Variants in PRDM5 observed in about 807,000 individuals in gnomAD.
The protein encoded by PRDM5 is PR domain zinc finger protein 5.
Under a neutral mutation model 81.2 loss-of-function variants are expected in PRDM5, and 56 were observed. That is an observed-to-expected ratio of 0.69 (90% CI 0.56 to 0.86). PRDM5 has a LOEUF of 0.86. Among genes scored for constraint, PRDM5 ranks in the 40% least tolerant of loss-of-function variants. PRDM5 has a pLI of 0.00. For synonymous variants in PRDM5, 267 were observed against 256.4 expected (o/e 1.04, Z -0.39); for missense variants, 697 against 770.1 (o/e 0.91, Z 1.12).
chr4:120,790,336 A>C (rs759887497), intron 10 of PRDM5, among the ~76,000 whole-genome samples: 3 of 152,196 alleles, frequency 2.0e-5, no homozygotes, highest in Non-Finnish European at 4.4e-5. Flanking sequence ...CACAGAAATA[A>C]CCAGATAACA....
At chr4:120,840,339 T>C (rs914960869) in intron 3 of PRDM5, among the ~76,000 whole-genome samples, 1 of 152,136 alleles carries the variant, frequency 6.6e-6, no homozygotes, top group Non-Finnish European at 1.5e-5. Context: ...GAGGGGCTCC[T>C]CTGGGAGTGG....
intron 10 of PRDM5, among the ~76,000 whole-genome samples, 167 bp downstream of exon 10, chr4:120,798,099 GA>G (rs1751580900): frequency 6.6e-6 from 1 of 152,148 alleles, no homozygotes; most frequent in South Asian, 2.1e-4. Flanking sequence ...AAAGAGAATG[GA>G]AGACAGGAAG....
downstream of PRDM5, among the ~76,000 whole-genome samples, chr4:120,689,608 T>A (rs892284972): frequency 6.6e-6 from 1 of 151,940 alleles, no homozygotes; most frequent in Non-Finnish European, 1.5e-5. Flanking sequence ...TTCTTTTTTT[T>A]TTTTTTCTTT....
rs1734352279 is a variant in PRDM5 at position 120,695,000 on chromosome 4, A to G, written c.*111T>C. On this transcript the variant is annotated 3_prime_UTR_variant, in exon 16 of 16. Coordinates refer to ENST00000264808, the MANE Select transcript of PRDM5 (RefSeq NM_018699.4). Reference sequence around the variant, plus strand: ...CTCTAAATGTAGGCAAATAAGAACTATGAGACCAGTAAGTCACTTTTGGCT... The same window carrying G: ...CTCTAAATGTAGGCAAATAAGAACTGTGAGACCAGTAAGTCACTTTTGGCT... The G allele has an allele frequency of 5.5e-6, 7 of 1,273,348 alleles. No individual in the cohort carries two copies. In the Admixed American group the frequency reaches 8.5e-5, roughly 15 times the overall value. 78.9% of individuals were successfully genotyped at this position (1,273,348 alleles called of 1,614,324 possible).
intron 14 of PRDM5, among the ~76,000 whole-genome samples, chr4:120,716,265 C>T (rs1288152914): frequency 6.6e-6 from 1 of 152,110 alleles, no homozygotes; most frequent in East Asian, 1.9e-4. Flanking sequence ...CAATATACTA[C>T]AAGTACAACA....
intron 14 of PRDM5, among the ~76,000 whole-genome samples, chr4:120,749,400 G>C (rs908943995): frequency 2.6e-5 from 4 of 152,120 alleles, no homozygotes; most frequent in African/African-American, 9.7e-5. Flanking sequence ...GCTCCATCAG[G>C]GTTCGTAAGA....
chr4:120,697,237 A>C (rs182760115), intron 15 of PRDM5, among the ~76,000 whole-genome samples: 18 of 152,166 alleles, frequency 1.2e-4, no homozygotes, highest in Non-Finnish European at 2.5e-4. Context: ...AATGTGCATG[A>C]AAGTGTACAA....
intron 2 of PRDM5, among the ~76,000 whole-genome samples, chr4:120,856,050 G>T (rs1158078720): frequency 6.6e-6 from 1 of 152,134 alleles, no homozygotes; most frequent in Non-Finnish European, 1.5e-5. Flanking sequence ...TTTACCAGGG[G>T]CATTGTTTGT....
At chr4:120,696,157 A>T (rs192279716) in intron 15 of PRDM5, among the ~76,000 whole-genome samples, 2 of 152,250 alleles carry the variant, frequency 1.3e-5, no homozygotes, top group Non-Finnish European at 2.9e-5. Context: ...TAATTGGGTA[A>T]GAAGGGGGTA....
At chr4:120,747,640 C>T (rs1204076707) in intron 14 of PRDM5, among the ~76,000 whole-genome samples, 2 of 152,106 alleles carry the variant, frequency 1.3e-5, no homozygotes, top group Non-Finnish European at 2.9e-5. Context: ...AGGCACAGGT[C>T]TGTTAAACCC....
At chr4:120,794,592 T>C (rs1243445828) in intron 10 of PRDM5, among the ~76,000 whole-genome samples, 2 of 151,086 alleles carry the variant, frequency 1.3e-5, no homozygotes, top group Non-Finnish European at 3.0e-5. Context: ...TATTATCTTA[T>C]TGAATGACCC....
chr4:120,695,843 CA>C (rs997185250), intron 15 of PRDM5, among the ~76,000 whole-genome samples: 8 of 151,446 alleles, frequency 5.3e-5, no homozygotes, highest in African/African-American at 1.5e-4. Context: ...TCCAAGTTAC[CA>C]AAAAAAATGG....
At chr4:120,722,345 G>A (rs530134754) in intron 14 of PRDM5, among the ~76,000 whole-genome samples, 53 of 152,012 alleles carry the variant, frequency 3.5e-4, no homozygotes, top group Admixed American at 2.0e-3. Flanking sequence ...GTAATCCCAG[G>A]CCTGTGTCTT....
chr4:120,798,445 G>A, intron 9 of PRDM5, 21 bp from the exon 10 acceptor site: 1 of 1,553,644 alleles, frequency 6.4e-7, no homozygotes, highest in Non-Finnish European at 8.9e-7. Flanking sequence ...AATGAGTGGA[G>A]ACAATCTCAT....
At chr4:120,797,142 G>C (rs903284997) in intron 10 of PRDM5, among the ~76,000 whole-genome samples, 2 of 152,092 alleles carry the variant, frequency 1.3e-5, no homozygotes. Context: ...TTAATAACTT[G>C]AAGAGAAAGA....
chr4:120,866,365 C>G (rs1045280013), intron 2 of PRDM5, among the ~76,000 whole-genome samples: 4 of 152,226 alleles, frequency 2.6e-5, no homozygotes, highest in African/African-American at 9.6e-5. Flanking sequence ...CATCATGTTA[C>G]TTTTACAAAC....
chr4:120,783,130 CT>C (rs1173256232), intron 11 of PRDM5, among the ~76,000 whole-genome samples: 8 of 152,082 alleles, frequency 5.3e-5, no homozygotes, highest in Admixed American at 4.6e-4. Context: ...CTAACAACAG[CT>C]TTCATATTTT....
intron 14 of PRDM5, 142 bp downstream of exon 14, chr4:120,754,411 T>C (rs918588956): frequency 6.0e-5 from 32 of 529,994 alleles, no homozygotes; most frequent in African/African-American, 5.6e-4. Context: ...TTAAAAAAAA[T>C]TATCCTGAAA....
intron 2 of PRDM5, among the ~76,000 whole-genome samples, chr4:120,858,139 A>G (rs917671765): frequency 2.0e-5 from 3 of 152,248 alleles, no homozygotes; most frequent in African/African-American, 7.2e-5. Flanking sequence ...TAAATAAAAC[A>G]TATTTCCCTT....
Sources: gnomAD v4.1 joint callset for allele counts (sites outside exome capture counted in the v4.1 genomes callset) on GRCh38, gnomAD v4.1.1 for gene constraint, MANE v1.5 for transcripts, NCBI Gene and HGNC (gene_info 2026-07-23, HGNC 2026-07-21) for gene names.